Variants in SOAT1 observed in about 807,000 individuals in gnomAD.
SOAT1 encodes the protein sterol O-acyltransferase 1, also known as acyl-coenzyme A:cholesterol acyltransferase 1.
Under a neutral mutation model 69.5 loss-of-function variants are expected in SOAT1, and 55 were observed. The ratio of observed to expected loss-of-function variants is 0.79; its 90% CI spans 0.64 to 0.99. The LOEUF (loss-of-function observed/expected upper bound fraction) is 0.99, where lower values mean the gene tolerates loss of function less well. SOAT1 is among the 50% of genes least tolerant of loss of function. SOAT1 has a pLI of 0.00. For synonymous variants in SOAT1, 231 were observed against 224.7 expected, an observed-to-expected ratio of 1.03 and a Z score of -0.25; for missense variants, 580 against 669.3, an observed-to-expected ratio of 0.87 and a Z score of 1.47.
At chr1:179,346,182 T>C (rs529364665) in intron 11 of SOAT1, among the ~76,000 whole-genome samples, 1 of 152,282 alleles carries the variant, frequency 6.6e-6, no homozygotes, top group African/African-American at 2.4e-5. Context: ...TATCTGTCCC[T>C]AAAATAGAAT....
intron 1 of SOAT1, among the ~76,000 whole-genome samples, chr1:179,298,728 A>AT (rs1242388745): frequency 6.6e-6 from 1 of 152,174 alleles, no homozygotes; most frequent in Admixed American, 6.6e-5. Context: ...AACACAGACT[A>AT]TTTTACAATA....
At chr1:179,329,745 T>C (rs1475709154) in intron 3 of SOAT1, among the ~76,000 whole-genome samples, 1 of 151,298 alleles carries the variant, frequency 6.6e-6, no homozygotes, top group African/African-American at 2.4e-5. Context: ...TTTTGGATAG[T>C]GTTTATCTAT....
At chr1:179,302,601 A>C (rs1664869465) in intron 1 of SOAT1, 76 bp from the exon 2 acceptor site, 1 of 813,728 alleles carries the variant, frequency 1.2e-6, no homozygotes, top group Admixed American at 2.9e-5. Context: ...TTCCTTTATA[A>C]ATTACCCAGT....
rs1666930601 is a variant in SOAT1, at chr1:179,356,991, T to C, written c.*3350T>C. ...AGCCACCATGCCAAGCCCATACTTA[T>C]TGTTAATAAAGTTTCAGTGACTTGC... On this transcript the variant is annotated 3_prime_UTR_variant, in exon 16 of 16. Transcript: ENST00000367619. 1 of 152,114 alleles carries C rather than the reference T, an allele frequency of 6.6e-6. No homozygotes were observed. Among genetic ancestry groups the C allele is most frequent in the African/African-American group, 2.4e-5 (1 of 41,418 alleles). The allele number at this position is 152,114 out of a possible 1,614,324, so 9.4% of individuals were successfully genotyped here.
intron 11 of SOAT1, 42 bp from the exon 12 acceptor site, chr1:179,347,558 G>A (rs757693015): frequency 2.6e-6 from 3 of 1,136,272 alleles, no homozygotes; most frequent in Non-Finnish European, 4.0e-6. Flanking sequence ...TGGTATGTGA[G>A]CTATTTGGAA....
intron 11 of SOAT1, among the ~76,000 whole-genome samples, chr1:179,346,060 A>G (rs533391006): frequency 3.5e-4 from 54 of 152,208 alleles, no homozygotes; most frequent in African/African-American, 1.3e-3. Flanking sequence ...TTCTTTACTC[A>G]TTGAATGTTG....
At chr1:179,347,570 G>A in intron 11 of SOAT1, 30 bp from the exon 12 acceptor site, 2 of 1,300,448 alleles carry the variant, frequency 1.5e-6, no homozygotes. Flanking sequence ...TATTTGGAAA[G>A]ACTGTTAATA....
At chr1:179,312,566 C>T (rs781691618) in intron 2 of SOAT1, among the ~76,000 whole-genome samples, 1 of 152,170 alleles carries the variant, frequency 6.6e-6, no homozygotes, top group East Asian at 1.9e-4. Context: ...GTCTTTTCTA[C>T]GCTACTTTGT....
chr1:179,325,852 T>G (rs1370880419), intron 3 of SOAT1, among the ~76,000 whole-genome samples: 6 of 152,196 alleles, frequency 3.9e-5, no homozygotes, highest in African/African-American at 1.4e-4. Flanking sequence ...ATATTGTACT[T>G]GTCTGCTTTA....
chr1:179,351,720 A>ATTTTTTTTTTTTTTTTTTTTTTTTT (rs1558061106), intron 15 of SOAT1, among the ~76,000 whole-genome samples: 1 of 43,482 alleles, frequency 2.3e-5, no homozygotes, highest in African/African-American at 9.5e-5. Flanking sequence ...AGCCCCTTCT[A>ATTTTTTTTTTTTTTTTTTTTTTTTT]ATTTTTTTTT....
At chr1:179,351,017 C>CTTTTTTTTTTT (rs1558060562) in intron 14 of SOAT1, among the ~76,000 whole-genome samples, 13 of 13,952 alleles carry the variant, frequency 9.3e-4, no homozygotes, top group African/African-American at 4.0e-3. Context: ...CTGTATATTT[C>CTTTTTTTTTTT]TTTCTTTTTT....
chr1:179,305,414 A>AT lies in SOAT1; in HGVS notation c.118+2624dup, dbSNP rs35559773. ...ATGTTTTAATATGTATCAGTACTTC[A>AT]TTTTTTTTTTTTGTGGCTGAATAAT... On this transcript the variant is annotated intron_variant, in intron 2 of 15. Transcript: ENST00000367619. 9.5e-4 allele frequency among the ~76,000 whole-genome samples: 143 copies of AT among 150,004 alleles called. 1 individual carries two copies. The highest frequency in any genetic ancestry group is 1.7e-3 in the South Asian group (8 of 4,772).
At chr1:179,304,234 G>A (rs72715515) in intron 2 of SOAT1, among the ~76,000 whole-genome samples, 3,416 of 151,396 alleles carry the variant, frequency 0.023, 63 homozygotes, top group Middle Eastern at 0.052. Flanking sequence ...GATTACGGGC[G>A]TGAGCCACCG....
chr1:179,352,971 CCT>C (rs1307372124), intron 15 of SOAT1, among the ~76,000 whole-genome samples: 1 of 150,818 alleles, frequency 6.6e-6, no homozygotes, highest in Non-Finnish European at 1.5e-5. Flanking sequence ...TGCTTGCTTC[CCT>C]CTCTTTCCTA....
intron 3 of SOAT1, among the ~76,000 whole-genome samples, chr1:179,332,328 G>A (rs1665999958): frequency 6.6e-6 from 1 of 152,090 alleles, no homozygotes; most frequent in African/African-American, 2.4e-5. Flanking sequence ...GTCCCTACTT[G>A]CTTTTCCAGC....
At chr1:179,348,041 TG>T (rs1666595837) in intron 12 of SOAT1, among the ~76,000 whole-genome samples, 1 of 152,214 alleles carries the variant, frequency 6.6e-6, no homozygotes, top group African/African-American at 2.4e-5. Context: ...CGTCTAGTTC[TG>T]TAGGAATGAC....
At chr1:179,307,162 G>A (rs1665036839) in intron 2 of SOAT1, among the ~76,000 whole-genome samples, 1 of 152,170 alleles carries the variant, frequency 6.6e-6, no homozygotes, top group Admixed American at 6.6e-5. Context: ...TGTATACCTG[G>A]GTTGCGTGGG....
At chr1:179,351,815 A>T (rs947107180) in intron 15 of SOAT1, among the ~76,000 whole-genome samples, 2 of 141,582 alleles carry the variant, frequency 1.4e-5, no homozygotes, top group Admixed American at 1.5e-4. Flanking sequence ...TGCCTCCCGG[A>T]TTCAAGTGAT....
chr1:179,324,380 G>A (rs1016134521), intron 3 of SOAT1, among the ~76,000 whole-genome samples: 1 of 152,166 alleles, frequency 6.6e-6, no homozygotes, highest in Non-Finnish European at 1.5e-5. Context: ...TTGAGTCCAA[G>A]GAGGATGCTG....
Sources: gnomAD v4.1 joint callset for allele counts (sites outside exome capture counted in the v4.1 genomes callset) on GRCh38, gnomAD v4.1.1 for gene constraint, MANE v1.5 for transcripts, NCBI Gene and HGNC (gene_info 2026-07-23, HGNC 2026-07-21) for gene names.